The following WDR17 variants were observed in gnomAD, a reference collection of about 807,000 sequenced individuals.
WDR17 encodes the protein WD repeat-containing protein 17.
Under a neutral mutation model 161.7 loss-of-function variants are expected in WDR17, and 143 were observed. That is an observed-to-expected ratio of 0.88 (90% confidence interval 0.77 to 1.02). The LOEUF is 1.02. Ranked by LOEUF, WDR17 falls within the 50% of genes least tolerant of loss-of-function variation. The pLI is 0.00. For synonymous variants in WDR17, 517 were observed against 515.6 expected, an observed-to-expected ratio of 1.00 and a Z score of -0.04; for missense variants, 1,469 against 1,520.9, an observed-to-expected ratio of 0.97 and a Z score of 0.57.
At chr4:176,154,656 G>A (rs1034577954) in intron 17 of WDR17, among the ~76,000 whole-genome samples, 1 of 152,054 alleles carries the variant, frequency 6.6e-6, no homozygotes, top group African/African-American at 2.4e-5. Context: ...GTTAGAGAGA[G>A]ATTTCCCCTG....
At chr4:176,091,085 G>T (rs557508456) in intron 1 of WDR17, among the ~76,000 whole-genome samples, 2 of 152,218 alleles carry the variant, frequency 1.3e-5, no homozygotes, top group African/African-American at 4.8e-5. Flanking sequence ...GTGCTGCAGA[G>T]ATTTTGTTTA....
rs1036937960 is a variant in WDR17, at chr4:176,135,182, T to C, written c.1173T>C (p.Asp391=). ...DPNLLATASF[D]GTIKVWDINT... ...ATCTTTTAGCAACAGCTTCATTTGA[T>C]GGCACTATAAAAGTCTGGGATATAA... The change falls in exon 8 of 29, where the codon GAT becomes GAC. Residue 391 remains aspartate (D), a synonymous_variant. Transcript: ENST00000508596. 5 of 1,612,388 alleles carry C rather than the reference T, an allele frequency of 3.1e-6. No homozygotes were observed. Among genetic ancestry groups the C allele is most frequent in the Non-Finnish European group, 4.2e-6 (5 of 1,178,698 alleles).
At chr4:176,160,726 C>A (rs1236847824) in intron 19 of WDR17, among the ~76,000 whole-genome samples, 185 bp from the exon 20 acceptor site, 1 of 152,194 alleles carries the variant, frequency 6.6e-6, no homozygotes, top group Non-Finnish European at 1.5e-5. Flanking sequence ...AGTAATAATT[C>A]ACTTGAAGCT....
intron 11 of WDR17, among the ~76,000 whole-genome samples, chr4:176,144,421 G>A (rs909302842): frequency 6.6e-6 from 1 of 151,960 alleles, no homozygotes; most frequent in African/African-American, 2.4e-5. Flanking sequence ...GACCCTCACT[G>A]TGCCTTGAAA....
chr4:176,163,070 T>A (rs752354688), intron 21 of WDR17, 84 bp from the exon 22 acceptor site: 2 of 1,519,866 alleles, frequency 1.3e-6, no homozygotes, highest in Non-Finnish European at 1.8e-6. Context: ...TAATACTGCT[T>A]TATCTGCTTT....
chr4:176,172,517 G>C lies in WDR17; in HGVS notation c.3244+1G>C, dbSNP rs753271336. The stretch of plus-strand genomic sequence containing the variant: ...CCTATTGGTATTAGCTTTGTTAAAG[G>C]TAAGTAATTAGTTGGTAGTAGAATT... On this transcript the variant is annotated splice_donor_variant, in intron 24 of 28. Transcript: ENST00000508596. LOFTEE classifies it high-confidence loss of function. 6.3e-6 allele frequency: 10 copies of C among 1,580,542 alleles called. No individual in the cohort carries two copies. In the South Asian group the frequency reaches 1.2e-4, roughly 19 times the overall value.
intron 11 of WDR17, among the ~76,000 whole-genome samples, chr4:176,143,499 T>TAAA (rs10646644): frequency 4.9e-4 from 67 of 137,140 alleles, no homozygotes; most frequent in Middle Eastern, 3.7e-3. Context: ...CTTCGTCTCT[T>TAAA]AAAAAAAAAA....
chr4:176,074,789 C>T (rs62339390), intron 1 of WDR17, among the ~76,000 whole-genome samples: 46,518 of 142,894 alleles, frequency 0.33, 8,194 homozygotes, highest in East Asian at 0.43. Flanking sequence ...AAGCTCTGGG[C>T]ATGCGGGATT....
Position 176,108,260 on chromosome 4 carries a change from G to A in WDR17, c.-6-3315G>A, listed in dbSNP as rs141453987. On this transcript the variant is annotated intron_variant, in intron 1 of 28. Transcript: ENST00000508596. The stretch of plus-strand genomic sequence containing the variant: ...AGAAAAGGAAAAGAAATTAGCTATC[G>A]AGCCATGAAAAGACATGAAGCCAAA... Among the ~76,000 whole-genome samples, 1,259 of 152,192 alleles carry A rather than the reference G, an allele frequency of 8.3e-3. 16 individuals carry two copies. Among genetic ancestry groups the A allele is most frequent in the African/African-American group, 0.028 (1,165 of 41,514 alleles).
chr4:176,132,193 A>G (rs1743574900), intron 7 of WDR17, among the ~76,000 whole-genome samples: 1 of 152,040 alleles, frequency 6.6e-6, no homozygotes, highest in African/African-American at 2.4e-5. Context: ...TATGATAATT[A>G]AGCCCCTATA....
At chr4:176,154,356 C>A (rs1747721115) in intron 17 of WDR17, among the ~76,000 whole-genome samples, 1 of 152,136 alleles carries the variant, frequency 6.6e-6, no homozygotes, top group African/African-American at 2.4e-5. Flanking sequence ...TGGCGGGTTC[C>A]TGTAGTCCCA....
chr4:176,146,747 G>A (rs563149934), intron 12 of WDR17, among the ~76,000 whole-genome samples: 1 of 152,126 alleles, frequency 6.6e-6, no homozygotes, highest in South Asian at 2.1e-4. Flanking sequence ...ATTTATGAAA[G>A]TATATCAAAT....
intron 5 of WDR17, among the ~76,000 whole-genome samples, 186 bp downstream of exon 5, chr4:176,125,541 C>A (rs1050769192): frequency 6.6e-6 from 1 of 151,784 alleles, no homozygotes; most frequent in African/African-American, 2.4e-5. Flanking sequence ...AATGAAATGA[C>A]AAATAAAAAT....
At position 176,172,143 on chromosome 4, in the gene WDR17, G is replaced by T. The variant is rs542779038; in HGVS notation, c.3103-232G>T. 2.6e-5 allele frequency among the ~76,000 whole-genome samples: 4 copies of T among 152,142 alleles called. No homozygotes were observed. The South Asian group carries it at 8.3e-4, about 32-fold the overall frequency. On this transcript the variant is annotated intron_variant, in intron 23 of 28. Coordinates refer to ENST00000508596, the MANE Select transcript of WDR17 (RefSeq NM_181265.4). ...CTTCTATTTCTTTTATTAGGTATTTGTGTGATGGAAAACTACTAACTCATT... is the reference window on the plus strand; with the variant it reads ...CTTCTATTTCTTTTATTAGGTATTTTTGTGATGGAAAACTACTAACTCATT...
chr4:176,066,440 T>G (rs928555951), intron 1 of WDR17, among the ~76,000 whole-genome samples: 26 of 152,204 alleles, frequency 1.7e-4, no homozygotes, highest in African/African-American at 5.6e-4. Flanking sequence ...CAGACACTTC[T>G]GTATAGATCA....
chr4:176,179,587 T>G lies in WDR17; in HGVS notation c.*8T>G. The G allele has an allele frequency of 6.5e-7, 1 of 1,538,652 alleles. No individual in the cohort carries two copies. On this transcript the variant is annotated 3_prime_UTR_variant, in exon 29 of 29. Transcript: ENST00000508596. ...CGACTCAATCCATTCTGATAGAAGA[T>G]TTTTGTCCATGCTTGATTTTTTTTT...
intron 5 of WDR17, among the ~76,000 whole-genome samples, chr4:176,125,722 C>T (rs1742348285): frequency 1.3e-5 from 2 of 152,114 alleles, no homozygotes; most frequent in African/African-American, 2.4e-5. Context: ...CTGATGGGAG[C>T]TTTATTAGCC....
chr4:176,171,204 G>C (rs1486930829), intron 23 of WDR17, among the ~76,000 whole-genome samples: 1 of 152,048 alleles, frequency 6.6e-6, no homozygotes, highest in Admixed American at 6.6e-5. Flanking sequence ...TCACATATGA[G>C]GTACTTATAT....
At chr4:176,101,571 G>A (rs934328502) in intron 1 of WDR17, among the ~76,000 whole-genome samples, 2 of 152,058 alleles carry the variant, frequency 1.3e-5, no homozygotes, top group African/African-American at 2.4e-5. Context: ...CAACATGCAG[G>A]AATGGATTGA....
Sources: gnomAD v4.1 joint callset for allele counts (sites outside exome capture counted in the v4.1 genomes callset) on GRCh38, gnomAD v4.1.1 for gene constraint, MANE v1.5 for transcripts, NCBI Gene and HGNC (gene_info 2026-07-23, HGNC 2026-07-21) for gene names.